PPFIA2: variants seen among roughly 807,000 people sequenced by gnomAD.
PPFIA2 encodes the protein PPFI scaffold protein A2.
In PPFIA2, 46 loss-of-function variants were observed where a neutral mutation model predicts 175.5. The observed-to-expected ratio is 0.26, with a 90% confidence interval of 0.21 to 0.34. The LOEUF is 0.34. Among genes scored for constraint, PPFIA2 ranks in the 10% least tolerant of loss-of-function variants. The pLI is 1.00. For missense variants in PPFIA2, 1,179 were observed against 1,506.1 expected (o/e 0.78, Z 3.60); for synonymous variants, 568 against 511.4 (o/e 1.11, Z -1.49).
At chr12:81,291,676 G>T (rs532808421) in intron 24 of PPFIA2, among the ~76,000 whole-genome samples, 51 of 152,086 alleles carry the variant, frequency 3.4e-4, no homozygotes, top group African/African-American at 1.2e-3. Flanking sequence ...GTAAAATGTT[G>T]TTTATAAGTA....
At chr12:81,740,304 C>A (rs1190325267) in intron 3 of PPFIA2, among the ~76,000 whole-genome samples, 3 of 152,068 alleles carry the variant, frequency 2.0e-5, no homozygotes, top group African/African-American at 7.2e-5. Context: ...GTACGTTTGG[C>A]CTATGAATCT....
At chr12:81,729,175 T>C (rs1459832028) in intron 3 of PPFIA2, among the ~76,000 whole-genome samples, 2 of 151,440 alleles carry the variant, frequency 1.3e-5, no homozygotes, top group Non-Finnish European at 3.0e-5. Context: ...TTTTATAGGG[T>C]CCAAATAGTG....
intron 4 of PPFIA2, among the ~76,000 whole-genome samples, chr12:81,579,037 T>C (rs2153425077): frequency 6.6e-6 from 1 of 151,976 alleles, no homozygotes. Flanking sequence ...TTCTTCTAAG[T>C]GAAGCTAAAT....
At chr12:81,713,787 T>C (rs930769459) in intron 3 of PPFIA2, among the ~76,000 whole-genome samples, 1 of 151,308 alleles carries the variant, frequency 6.6e-6, no homozygotes, top group Non-Finnish European at 1.5e-5. Flanking sequence ...AAAAAATTGA[T>C]TGTGTCTGTA....
chr12:81,687,517 C>T (rs1219427009), intron 3 of PPFIA2: 1 of 152,032 alleles, frequency 6.6e-6, no homozygotes, highest in Non-Finnish European at 1.5e-5. Context: ...TACTCTAGCA[C>T]AACAGAGGTA....
chr12:81,646,303 G>A (rs995710545), intron 4 of PPFIA2, among the ~76,000 whole-genome samples: 1 of 152,142 alleles, frequency 6.6e-6, no homozygotes, highest in Non-Finnish European at 1.5e-5. Flanking sequence ...TGTCTTGAAG[G>A]AGGGCTAGAA....
chr12:81,387,045 C>T (rs754711242), intron 8 of PPFIA2, among the ~76,000 whole-genome samples: 11 of 151,986 alleles, frequency 7.2e-5, no homozygotes, highest in Non-Finnish European at 1.2e-4. Context: ...CATAAATTTG[C>T]CCATCGACAC....
chr12:81,666,201 G>T (rs906318571), intron 4 of PPFIA2, among the ~76,000 whole-genome samples: 22 of 152,280 alleles, frequency 1.4e-4, no homozygotes, highest in African/African-American at 4.6e-4. Flanking sequence ...AATTCAGTGT[G>T]GCGATTCCTC....
At chr12:81,487,435 T>C (rs2058955580) in intron 4 of PPFIA2, among the ~76,000 whole-genome samples, 2 of 151,884 alleles carry the variant, frequency 1.3e-5, no homozygotes, top group South Asian at 4.1e-4. Flanking sequence ...TCAGGTTAAA[T>C]GCTTAGACAA....
At chr12:81,358,009 T>C in intron 16 of PPFIA2, 73 bp downstream of exon 16, 1 of 1,317,852 alleles carries the variant, frequency 7.6e-7, no homozygotes, top group South Asian at 1.6e-5. Context: ...ATTATCTCAG[T>C]GTTAAAATTC....
intron 3 of PPFIA2, among the ~76,000 whole-genome samples, chr12:81,725,012 A>C (rs1344854660): frequency 1.3e-5 from 2 of 150,966 alleles, no homozygotes; most frequent in African/African-American, 4.8e-5. Flanking sequence ...ACTTTTAATT[A>C]TAGCCATTCT....
At chr12:81,449,278 T>C (rs1358836733) in intron 5 of PPFIA2, among the ~76,000 whole-genome samples, 2 of 152,306 alleles carry the variant, frequency 1.3e-5, no homozygotes, top group South Asian at 2.1e-4. Context: ...CCTGTCATGA[T>C]AAAGTACAGC....
intron 8 of PPFIA2, among the ~76,000 whole-genome samples, chr12:81,391,198 T>C (rs1247932147): frequency 1.3e-5 from 2 of 151,930 alleles, no homozygotes; most frequent in East Asian, 3.9e-4. Flanking sequence ...GCAGAGAATA[T>C]CTTTGTGATA....
chr12:81,360,739 ATTG>A (rs1204122129), intron 15 of PPFIA2, among the ~76,000 whole-genome samples: 2 of 151,578 alleles, frequency 1.3e-5, no homozygotes, highest in African/African-American at 2.4e-5. Flanking sequence ...TCTATAAATA[ATTG>A]TTGTTTAATA....
At chr12:81,566,246 G>A (rs182798003) in intron 4 of PPFIA2, among the ~76,000 whole-genome samples, 29 of 152,146 alleles carry the variant, frequency 1.9e-4, no homozygotes, top group Admixed American at 1.6e-3. Flanking sequence ...CGTTTTGGCC[G>A]GGCACGGTGG....
At chr12:81,293,454 T>A (rs2045589877) in intron 24 of PPFIA2, among the ~76,000 whole-genome samples, 1 of 151,798 alleles carries the variant, frequency 6.6e-6, no homozygotes, top group South Asian at 2.1e-4. Context: ...AACGTCAAAC[T>A]CACATAATTT....
At chr12:81,544,503 G>A (rs563933882) in intron 4 of PPFIA2, among the ~76,000 whole-genome samples, 1 of 152,202 alleles carries the variant, frequency 6.6e-6, no homozygotes, top group South Asian at 2.1e-4. Flanking sequence ...CATAGCTTTT[G>A]AATGTCTCTT....
At chr12:81,632,556 G>A (rs1567646342) in intron 4 of PPFIA2, among the ~76,000 whole-genome samples, 1 of 152,022 alleles carries the variant, frequency 6.6e-6, no homozygotes, top group Non-Finnish European at 1.5e-5. Context: ...TTTGAATGAA[G>A]GAAAAACTCT....
intron 4 of PPFIA2, among the ~76,000 whole-genome samples, chr12:81,606,782 A>G (rs1017054153): frequency 2.6e-5 from 4 of 152,062 alleles, no homozygotes; most frequent in African/African-American, 9.7e-5. Flanking sequence ...CTTTGTTGAT[A>G]GTTTATTTCA....
Sources: gnomAD v4.1 joint callset for allele counts (sites outside exome capture counted in the v4.1 genomes callset) on GRCh38, gnomAD v4.1.1 for gene constraint, MANE v1.5 for transcripts, NCBI Gene and HGNC (gene_info 2026-07-23, HGNC 2026-07-21) for gene names.